PSMC6: variants seen among roughly 807,000 people sequenced by gnomAD.
PSMC6 encodes the protein 26S proteasome regulatory subunit 10B.
A neutral mutation model predicts 55.9 loss-of-function variants in PSMC6; 3 were observed. The ratio of observed to expected loss-of-function variants is 0.05; its 90% CI spans 0.02 to 0.14. PSMC6 has a LOEUF of 0.14. Ranked by LOEUF, PSMC6 falls within the 10% of genes least tolerant of loss-of-function variation. PSMC6 has a pLI of 1.00. For synonymous variants in PSMC6, 137 were observed against 155.9 expected (o/e 0.88, Z 0.90); for missense variants, 210 against 478.7 (o/e 0.44, Z 5.24).
At chr14:52,718,833 CA>C in intron 9 of PSMC6, 143 bp from the exon 10 acceptor site, 1 of 654,166 alleles carries the variant, frequency 1.5e-6, no homozygotes, top group East Asian at 2.8e-5. Flanking sequence ...ACACCAAAAT[CA>C]AGTCTAACTT....
At chr14:52,715,662 G>A (rs1243142603) in intron 7 of PSMC6, among the ~76,000 whole-genome samples, 1 of 146,264 alleles carries the variant, frequency 6.8e-6, no homozygotes, top group East Asian at 2.0e-4. Flanking sequence ...TACCCAGGCT[G>A]GAGTGCAGTG....
intron 7 of PSMC6, among the ~76,000 whole-genome samples, chr14:52,716,761 A>G (rs2041834149): frequency 6.6e-6 from 1 of 152,226 alleles, no homozygotes; most frequent in South Asian, 2.1e-4. Flanking sequence ...CTCAAAAAAA[A>G]AAGAAAAAGA....
chr14:52,713,074 T>C (rs1436209704), intron 6 of PSMC6, among the ~76,000 whole-genome samples: 2 of 152,072 alleles, frequency 1.3e-5, no homozygotes, highest in African/African-American at 4.8e-5. Flanking sequence ...CTTCTAAAAG[T>C]ACAAAAATTA....
At chr14:52,724,094 T>C in intron 13 of PSMC6, 58 bp downstream of exon 13, 3 of 1,494,066 alleles carry the variant, frequency 2.0e-6, no homozygotes, top group South Asian at 2.3e-5. Flanking sequence ...TTGCTGAAAC[T>C]GTTTTGAGTT....
intron 7 of PSMC6, 171 bp downstream of exon 7, chr14:52,714,139 C>T: frequency 2.3e-6 from 1 of 441,646 alleles, no homozygotes. Context: ...CTTCCGGGCT[C>T]AAGTGATTCT....
At chr14:52,717,665 C>T (rs1244424935) in intron 7 of PSMC6, among the ~76,000 whole-genome samples, 2 of 151,760 alleles carry the variant, frequency 1.3e-5, no homozygotes, top group African/African-American at 2.4e-5. Context: ...TAGGATTTAG[C>T]TTTCATTTTG....
chr14:52,711,384 G>T, intron 5 of PSMC6, 26 bp from the exon 6 acceptor site: 1 of 1,557,080 alleles, frequency 6.4e-7, no homozygotes, highest in Non-Finnish European at 8.8e-7. Context: ...TCTTTCAAAA[G>T]AAAAATACAT....
chr14:52,719,467 A>T (rs1201952090), intron 10 of PSMC6, among the ~76,000 whole-genome samples: 1 of 152,236 alleles, frequency 6.6e-6, no homozygotes, highest in African/African-American at 2.4e-5. Flanking sequence ...AATAGTTTTG[A>T]TAATTGAAGA....
At chr14:52,711,577 T>A in intron 6 of PSMC6, 53 bp downstream of exon 6, 12 of 1,237,368 alleles carry the variant, frequency 9.7e-6, no homozygotes, top group Non-Finnish European at 1.4e-5. Context: ...ACTACTAGTT[T>A]TAGGATTCTT....
In PSMC6 at chr14:52,711,392, C is replaced by T. The variant is rs750146160; in HGVS notation, c.327-18C>T. 5.1e-6 allele frequency: 8 copies of T among 1,558,088 alleles called. No individual in the cohort carries two copies. In the East Asian group the frequency reaches 1.6e-4, roughly 31 times the overall value. On this transcript the variant is annotated intron_variant, in intron 5 of 13. Coordinates refer to ENST00000445930, the MANE Select transcript of PSMC6 (RefSeq NM_002806.5). ...AAATATATCTTTCAAAAGAAAAATACATACCTTTTCATTCTAGATATTTGC... is the reference window on the plus strand; with the variant it reads ...AAATATATCTTTCAAAAGAAAAATATATACCTTTTCATTCTAGATATTTGC...
intron 12 of PSMC6, chr14:52,722,133 A>G (rs1293502869): frequency 6.6e-6 from 1 of 152,276 alleles, no homozygotes. Flanking sequence ...GAGTTCTCAG[A>G]GTAGACCTTT....
chr14:52,713,802 T>G, intron 6 of PSMC6, 79 bp from the exon 7 acceptor site: 3 of 884,288 alleles, frequency 3.4e-6, no homozygotes, highest in East Asian at 2.5e-5. Context: ...CTAACTAAGG[T>G]GATATTTGAC....
At chr14:52,714,935 T>C (rs1013150952) in intron 7 of PSMC6, among the ~76,000 whole-genome samples, 12 of 151,584 alleles carry the variant, frequency 7.9e-5, no homozygotes, top group Admixed American at 7.2e-4. Flanking sequence ...GCTTGACATA[T>C]GTAGCCCCAC....
At chr14:52,727,160 A>G (rs1237513569) in intron 13 of PSMC6, among the ~76,000 whole-genome samples, 2 of 150,724 alleles carry the variant, frequency 1.3e-5, no homozygotes, top group African/African-American at 2.4e-5. Flanking sequence ...AGCTGGGACT[A>G]CAGGCGCGCG....
chr14:52,709,543 A>G (rs2041742947), intron 4 of PSMC6: 1 of 448,216 alleles, frequency 2.2e-6, no homozygotes, highest in African/African-American at 2.0e-5. Flanking sequence ...TTAGATACCT[A>G]AACTGACAAG....
chr14:52,713,125 G>GAA (rs1280421534), intron 6 of PSMC6, among the ~76,000 whole-genome samples: 4 of 152,106 alleles, frequency 2.6e-5, no homozygotes, highest in Non-Finnish European at 4.4e-5. Context: ...AGCTACTCAG[G>GAA]AGGCTGAGAC....
chr14:52,717,829 G>A (rs1594851420), intron 7 of PSMC6, among the ~76,000 whole-genome samples: 2 of 151,902 alleles, frequency 1.3e-5, no homozygotes, highest in African/African-American at 4.8e-5. Flanking sequence ...ACCAGCCTGC[G>A]CAACACAGAG....
intron 6 of PSMC6, among the ~76,000 whole-genome samples, chr14:52,712,599 C>CA (rs1487748518): frequency 1.3e-5 from 2 of 152,124 alleles, no homozygotes; most frequent in Non-Finnish European, 2.9e-5. Flanking sequence ...TTTTCCCAGT[C>CA]ACGCTTTATG....
At position 52,720,929 on chromosome 14, in the gene PSMC6, A is replaced by C. The variant is rs755283243; in HGVS notation, c.846A>C (p.Pro282=). 2.5e-6 allele frequency: 4 copies of C among 1,613,394 alleles called. No homozygotes were observed. Among genetic ancestry groups the C allele is most frequent in the Non-Finnish European group, 3.4e-6 (4 of 1,179,418 alleles). ...AAATGATCATGGCTACAAACAGACC[A>C]GATACACTGGATCCTGCTTTGCTGC... ...RVKMIMATNR[P]DTLDPALLRP... Residue 282 remains proline, a synonymous_variant, in exon 11 of 14, where the codon CCA becomes CCC. Coordinates refer to ENST00000445930, the MANE Select transcript of PSMC6 (RefSeq NM_002806.5).
Sources: gnomAD v4.1 joint callset for allele counts (sites outside exome capture counted in the v4.1 genomes callset) on GRCh38, gnomAD v4.1.1 for gene constraint, MANE v1.5 for transcripts, NCBI Gene and HGNC (gene_info 2026-07-23, HGNC 2026-07-21) for gene names.